COL22A1: variants seen among roughly 807,000 people sequenced by gnomAD.
The protein encoded by COL22A1 is collagen alpha-1(XXII) chain.
A neutral mutation model predicts 248.9 loss-of-function variants in COL22A1; 221 were observed. That is an observed-to-expected ratio of 0.89 (90% confidence interval 0.80 to 0.99). The LOEUF (loss-of-function observed/expected upper bound fraction) is 0.99, where lower values mean the gene tolerates loss of function less well. Among genes scored for constraint, COL22A1 ranks in the 50% least tolerant of loss-of-function variants. The pLI, the probability that COL22A1 is intolerant of heterozygous loss-of-function variation, is 0.00. For missense variants in COL22A1, 2,240 were observed against 2,179.0 expected (o/e 1.03, Z -0.56); for synonymous variants, 891 against 793.4 (o/e 1.12, Z -2.07).
intron 7 of COL22A1, among the ~76,000 whole-genome samples, chr8:138,815,899 T>C (rs971594510): frequency 1.3e-5 from 2 of 152,208 alleles, no homozygotes; most frequent in African/African-American, 2.4e-5. Flanking sequence ...CAGGCCCATG[T>C]TGGACTCGGG....
Position 138,594,132 on chromosome 8 carries a change from C to A in COL22A1, c.4500G>T (p.Gly1500=). The change falls in exon 63 of 65, where the codon GGG becomes GGT. Residue 1500 remains glycine, a synonymous_variant. Transcript: ENST00000303045. Reference sequence around the variant, plus strand: ...CATCTTTTCCAGGGGGCCCTGGGGGCCCAGGTCTGCCTTGAGATGACTTCA... The same window carrying A: ...CATCTTTTCCAGGGGGCCCTGGGGGACCAGGTCTGCCTTGAGATGACTTCA... ...AYMKSSQGRP[G]PPGPPGKDGL... The A allele has an allele frequency of 6.3e-7, 1 of 1,576,218 alleles. No individual in the cohort carries two copies. The highest frequency in any genetic ancestry group is 1.2e-5 in the South Asian group (1 of 85,594).
chr8:138,771,292 A>G (rs893202555), intron 16 of COL22A1, among the ~76,000 whole-genome samples: 1 of 152,240 alleles, frequency 6.6e-6, no homozygotes, highest in African/African-American at 2.4e-5. Flanking sequence ...TAGGGGAAAT[A>G]CGCCAGCATT....
At chr8:138,725,275 C>G in intron 24 of COL22A1, 112 bp downstream of exon 24, 1 of 1,131,944 alleles carries the variant, frequency 8.8e-7, no homozygotes, top group Admixed American at 1.7e-5. Context: ...TGTTTTTGCA[C>G]TGGACTTGGG....
chr8:138,648,452 C>G (rs71532174), intron 46 of COL22A1, among the ~76,000 whole-genome samples: 1,647 of 152,340 alleles, frequency 0.011, 21 homozygotes, highest in Middle Eastern at 0.017. Context: ...GCTTAACTCT[C>G]TCTTTTTTGA....
chr8:138,692,170 G>A (rs1827062392), intron 35 of COL22A1, among the ~76,000 whole-genome samples: 1 of 10,208 alleles, frequency 9.8e-5, no homozygotes, highest in Non-Finnish European at 2.5e-4. Flanking sequence ...GTGTGGAGGT[G>A]TGTGTGTATG....
intron 36 of COL22A1, among the ~76,000 whole-genome samples, chr8:138,689,930 G>C (rs1364691363): frequency 6.6e-6 from 1 of 152,152 alleles, no homozygotes; most frequent in Non-Finnish European, 1.5e-5. Flanking sequence ...TTAGAGGCCA[G>C]AGAAGACTCC....
intron 16 of COL22A1, among the ~76,000 whole-genome samples, chr8:138,763,806 A>G (rs968716767): frequency 2.0e-5 from 3 of 152,162 alleles, no homozygotes; most frequent in African/African-American, 7.2e-5. Flanking sequence ...CTTTTCATCT[A>G]AATGAGAGAC....
At chr8:138,659,696 A>G (rs1823612513) in intron 44 of COL22A1, among the ~76,000 whole-genome samples, 1 of 152,054 alleles carries the variant, frequency 6.6e-6, no homozygotes, top group Admixed American at 6.6e-5. Context: ...GGCATTGGAA[A>G]CTCAGTCAGA....
At chr8:138,728,220 G>T (rs1259918887) in intron 23 of COL22A1, among the ~76,000 whole-genome samples, 1 of 152,010 alleles carries the variant, frequency 6.6e-6, no homozygotes, top group Non-Finnish European at 1.5e-5. Context: ...TGTAGAAACA[G>T]GGACTTGCTA....
At chr8:138,762,604 A>ACC in intron 16 of COL22A1, 138 bp from the exon 17 acceptor site, 1 of 641,060 alleles carries the variant, frequency 1.6e-6, no homozygotes, top group Non-Finnish European at 2.7e-6. Context: ...ACACACACAC[A>ACC]CACACAACAG....
chr8:138,658,546 C>A (rs1484653012), intron 44 of COL22A1, among the ~76,000 whole-genome samples: 1 of 152,124 alleles, frequency 6.6e-6, no homozygotes, highest in African/African-American at 2.4e-5. Flanking sequence ...TGTCACACAC[C>A]GTGACTTGGA....
At chr8:138,635,144 CA>C in intron 48 of COL22A1, 81 bp from the exon 49 acceptor site, 1 of 1,206,178 alleles carries the variant, frequency 8.3e-7, no homozygotes, top group African/African-American at 1.5e-5. Flanking sequence ...TTTCAGAAAA[CA>C]ATACAGAATC....
chr8:138,645,922 C>T (rs771926529), intron 47 of COL22A1, among the ~76,000 whole-genome samples: 3 of 152,150 alleles, frequency 2.0e-5, no homozygotes, highest in African/African-American at 7.2e-5. Context: ...CTGGGGAGCA[C>T]CAATGACAGC....
At chr8:138,856,245 A>G (rs1269739110) in intron 3 of COL22A1, among the ~76,000 whole-genome samples, 1 of 152,232 alleles carries the variant, frequency 6.6e-6, no homozygotes, top group East Asian at 1.9e-4. Context: ...AGCACTCCCA[A>G]CAGACTGCAT....
intron 1 of COL22A1, among the ~76,000 whole-genome samples, chr8:138,894,800 C>G (rs1162778459): frequency 2.0e-5 from 3 of 152,166 alleles, no homozygotes; most frequent in African/African-American, 7.2e-5. Context: ...TACAGTACTT[C>G]TGTATTTTCA....
intron 4 of COL22A1, among the ~76,000 whole-genome samples, chr8:138,839,834 GC>G (rs1305609440): frequency 6.6e-6 from 1 of 152,206 alleles, no homozygotes; most frequent in Non-Finnish European, 1.5e-5. Context: ...GTTGCCTAAC[GC>G]TTTTATTGGC....
At chr8:138,828,993 G>A (rs1329737901) in intron 5 of COL22A1, among the ~76,000 whole-genome samples, 2 of 152,220 alleles carry the variant, frequency 1.3e-5, no homozygotes, top group African/African-American at 2.4e-5. Context: ...CCTGCTGGAG[G>A]AGGTGGACCC....
chr8:138,796,561 T>C (rs1586763654), intron 12 of COL22A1, among the ~76,000 whole-genome samples: 1 of 151,966 alleles, frequency 6.6e-6, no homozygotes, highest in Non-Finnish European at 1.5e-5. Flanking sequence ...TTCCCCAAGA[T>C]ATATGTGTCC....
At chr8:138,691,827 GGT>G (rs200793407) in intron 35 of COL22A1, among the ~76,000 whole-genome samples, 5 of 106,932 alleles carry the variant, frequency 4.7e-5, no homozygotes, top group African/African-American at 1.1e-4. Context: ...TGTTTGTGGA[GGT>G]GTGTGTATGT....
Sources: gnomAD v4.1 joint callset for allele counts (sites outside exome capture counted in the v4.1 genomes callset) on GRCh38, gnomAD v4.1.1 for gene constraint, MANE v1.5 for transcripts, NCBI Gene and HGNC (gene_info 2026-07-23, HGNC 2026-07-21) for gene names.